GLYR1: variants seen among roughly 807,000 people sequenced by gnomAD.
The protein encoded by GLYR1 is glyoxylate reductase 1 homolog, also known as cytokine-like nuclear factor N-PAC.
Under a neutral mutation model 72.7 loss-of-function variants are expected in GLYR1, and 21 were observed. The observed-to-expected ratio is 0.29, with a 90% CI of 0.20 to 0.42. The LOEUF (loss-of-function observed/expected upper bound fraction) is 0.42. Among genes scored for constraint, GLYR1 ranks in the 10% least tolerant of loss-of-function variants. The pLI is 1.00. For synonymous variants in GLYR1, 392 were observed against 270.2 expected, an observed-to-expected ratio of 1.45 and a Z score of -4.42; for missense variants, 594 against 712.1, an observed-to-expected ratio of 0.83 and a Z score of 1.89.
In GLYR1 at chr16:4,805,165, GC is replaced by G; in HGVS notation, c.*70del. ...GGGCTGGTCCAGAATGAACTCCCAGGCCCCCGACCCCATGTGAGGAAGAGGG... is the reference window on the plus strand; with the variant it reads ...GGGCTGGTCCAGAATGAACTCCCAGGCCCCGACCCCATGTGAGGAAGAGGG... On this transcript the variant is annotated 3_prime_UTR_variant, in exon 16 of 16. Transcript: ENST00000321919. 3 of 1,309,240 alleles carry G rather than the reference GC, an allele frequency of 2.3e-6. No homozygotes were observed. The highest frequency in any genetic ancestry group is 1.2e-5 in the South Asian group (1 of 82,850). 81.1% of individuals were successfully genotyped at this position (1,309,240 alleles called of 1,614,324 possible).
At chr16:4,836,564 TACAG>T (rs1197376765) in intron 3 of GLYR1, among the ~76,000 whole-genome samples, 1 of 152,108 alleles carries the variant, frequency 6.6e-6, no homozygotes, top group South Asian at 2.1e-4. Flanking sequence ...GCAAGGTCAT[TACAG>T]AGAAGGAAAG....
rs146933896 is a variant in GLYR1, at chr16:4,831,238, T to C, written c.537+741A>G. Among the ~76,000 whole-genome samples the C allele has an allele frequency of 5.0e-3, 755 of 152,240 alleles. 1 individual carries two copies. The highest frequency in any genetic ancestry group is 0.017 in the African/African-American group (724 of 41,542). On this transcript the variant is annotated intron_variant, in intron 5 of 15. Coordinates refer to ENST00000321919, the MANE Select transcript of GLYR1 (RefSeq NM_032569.4). ...CTTGCAACATTTGCAATTACCCCCTTATGAATGCACGCCTAGACTTACCTC... is the reference window on the plus strand; with the variant it reads ...CTTGCAACATTTGCAATTACCCCCTCATGAATGCACGCCTAGACTTACCTC...
rs142256993 is a variant in GLYR1, at chr16:4,816,909, C to T, written c.906+689G>A. On this transcript the variant is annotated intron_variant, in intron 10 of 15. Transcript: ENST00000321919. Reference sequence around the variant, plus strand: ...GTCTGAGGCAGGAGAATCACTTGAACCTGGGAGGTGGAGGTTGCAGTGAGC... The same window carrying T: ...GTCTGAGGCAGGAGAATCACTTGAATCTGGGAGGTGGAGGTTGCAGTGAGC... Among the ~76,000 whole-genome samples the T allele has an allele frequency of 7.3e-3, 1,095 of 150,834 alleles. 9 individuals carry two copies. The highest frequency in any genetic ancestry group is 0.025 in the African/African-American group (1,039 of 41,172).
chr16:4,813,085 C>G (rs1246618813), intron 12 of GLYR1, among the ~76,000 whole-genome samples: 4 of 152,100 alleles, frequency 2.6e-5, no homozygotes, highest in Non-Finnish European at 5.9e-5. Flanking sequence ...GCCTCAGCCT[C>G]CCAAGTAGCT....
chr16:4,812,628 G>T (rs1567665603), intron 12 of GLYR1, among the ~76,000 whole-genome samples: 1 of 151,712 alleles, frequency 6.6e-6, no homozygotes, highest in Middle Eastern at 3.2e-3. Context: ...GAGTAACTGG[G>T]ACTACAGGCG....
intron 15 of GLYR1, among the ~76,000 whole-genome samples, chr16:4,810,791 A>G (rs745584688): frequency 2.0e-5 from 2 of 98,942 alleles, no homozygotes; most frequent in Non-Finnish European, 4.1e-5. Flanking sequence ...GTCTCAAAAT[A>G]AAAGAAAAAG....
At chr16:4,833,633 T>C (rs561518683) in intron 3 of GLYR1, among the ~76,000 whole-genome samples, 12 of 146,892 alleles carry the variant, frequency 8.2e-5, no homozygotes, top group Admixed American at 7.5e-4. Context: ...CATGCTGTTT[T>C]ATGATGTCTC....
intron 3 of GLYR1, chr16:4,839,452 T>C (rs959688100): frequency 2.6e-5 from 4 of 152,160 alleles, no homozygotes; most frequent in Non-Finnish European, 2.9e-5. Context: ...TCACCACTAA[T>C]CAGACCTGTC....
chr16:4,815,730 A>C (rs2083595177), intron 10 of GLYR1, among the ~76,000 whole-genome samples: 1 of 152,224 alleles, frequency 6.6e-6, no homozygotes, highest in South Asian at 2.1e-4. Context: ...AGTGCCCATA[A>C]ATACATGTAA....
At chr16:4,830,754 A>G (rs994970529) in intron 5 of GLYR1, among the ~76,000 whole-genome samples, 1 of 152,116 alleles carries the variant, frequency 6.6e-6, no homozygotes, top group African/African-American at 2.4e-5. Flanking sequence ...CCGGCCCCAA[A>G]TCTTGTCAGC....
chr16:4,843,526 G>A, intron 3 of GLYR1: 1 of 1,288,402 alleles, frequency 7.8e-7, no homozygotes, highest in Non-Finnish European at 1.0e-6. Context: ...CACAGCTCCA[G>A]GCCAGCGATC....
intron 10 of GLYR1, among the ~76,000 whole-genome samples, chr16:4,816,160 T>G (rs1037243186): frequency 1.3e-5 from 2 of 152,132 alleles, no homozygotes; most frequent in Admixed American, 6.6e-5. Flanking sequence ...CCTTTTTCTT[T>G]TCTGAGACAG....
intron 5 of GLYR1, among the ~76,000 whole-genome samples, chr16:4,831,296 C>T (rs538907511): frequency 1.3e-5 from 2 of 152,312 alleles, no homozygotes; most frequent in African/African-American, 2.4e-5. Context: ...CCTCTGCACT[C>T]GGTGACTACT....
At chr16:4,813,891 G>A (rs780221656) in intron 11 of GLYR1, 53 bp from the exon 12 acceptor site, 1 of 1,419,896 alleles carries the variant, frequency 7.0e-7, no homozygotes, top group East Asian at 2.4e-5. Flanking sequence ...CAGATGCTCA[G>A]GAGCCCTACA....
At chr16:4,838,410 G>C (rs189389326) in intron 3 of GLYR1, among the ~76,000 whole-genome samples, 2 of 152,232 alleles carry the variant, frequency 1.3e-5, no homozygotes, top group Admixed American at 1.3e-4. Context: ...TCCTGAAAGG[G>C]CTGCTGTGAG....
Position 4,812,232 on chromosome 16 carries a change from C to G in GLYR1, c.1136G>C (p.Gly379Ala), listed in dbSNP as rs769907369. Residue 379 changes from glycine (G) to alanine (A), a missense_variant, in exon 13 of 16, where the codon GGG becomes GCG. Around this residue, in one of 5 missense-constraint regions of GLYR1, gnomAD observed 266 missense variants for 358.4 expected, o/e 0.74. Coordinates refer to ENST00000321919, the MANE Select transcript of GLYR1 (RefSeq NM_032569.4). The part of the protein sequence containing the change: ...TELAQVIVSR[G>A]GRFLEAPVSG... ...GACGGGGGCTTCCAGAAAGCGCCCC[C>G]CCCTGGACACAATCACCTGGAAAGA... 2.2e-5 allele frequency: 36 copies of G among 1,613,002 alleles called. No homozygotes were observed. The highest frequency in any genetic ancestry group is 2.7e-5 in the African/African-American group (2 of 74,850).
chr16:4,844,497 C>T (rs576051682), intron 3 of GLYR1, among the ~76,000 whole-genome samples: 14 of 152,276 alleles, frequency 9.2e-5, no homozygotes, highest in East Asian at 1.9e-4. Context: ...GCCAGCTGGG[C>T]GCAGTGGCTC....
chr16:4,822,986 C>T, intron 6 of GLYR1, 55 bp from the exon 7 acceptor site: 2 of 1,453,182 alleles, frequency 1.4e-6, no homozygotes, highest in Non-Finnish European at 9.7e-7. Context: ...AAGGTCACTT[C>T]CTTCTCCCTG....
rs1404802038 is a variant in GLYR1 at position 4,804,689 on chromosome 16, C to G, written c.*547G>C. 1 of 159,326 alleles carries G rather than the reference C, an allele frequency of 6.3e-6. No homozygotes were observed. Among genetic ancestry groups the G allele is most frequent in the African/African-American group, 2.4e-5 (1 of 41,560 alleles). The allele number at this position is 159,326 out of a possible 1,614,324, so 9.9% of individuals were successfully genotyped here. A position where few individuals can be genotyped will look rare whatever the true frequency, so the allele number is the denominator to read the frequency against. On this transcript the variant is annotated 3_prime_UTR_variant, in exon 16 of 16. Transcript: ENST00000321919. ...CTCATCACCTGAGGTTGGAGGGCCCCAAGGGCCCCTCTGTCTGGAGTCTGT... is the reference window on the plus strand; with the variant it reads ...CTCATCACCTGAGGTTGGAGGGCCCGAAGGGCCCCTCTGTCTGGAGTCTGT...
Sources: gnomAD v4.1 joint callset for allele counts (sites outside exome capture counted in the v4.1 genomes callset) on GRCh38, gnomAD v4.1.1 for gene constraint, gnomAD v4.1.1 regional missense constraint, MANE v1.5 for transcripts, NCBI Gene and HGNC (gene_info 2026-07-23, HGNC 2026-07-21) for gene names.